LAMB2: variants seen among roughly 807,000 people sequenced by gnomAD.
LAMB2 encodes the protein laminin subunit beta 2.
In LAMB2, 119 loss-of-function variants were observed where a neutral mutation model predicts 202.7. The ratio of observed to expected loss-of-function variants is 0.59; its 90% confidence interval spans 0.51 to 0.68. LAMB2 has a LOEUF of 0.68. Ranked by LOEUF, LAMB2 falls within the 30% of genes least tolerant of loss-of-function variation. The pLI is 0.00. For missense variants in LAMB2, 2,124 were observed against 2,410.6 expected, an observed-to-expected ratio of 0.88 and a Z score of 2.49; for synonymous variants, 818 against 902.2, an observed-to-expected ratio of 0.91 and a Z score of 1.67.
rs1310533925 is a variant in LAMB2, at chr3:49,132,460, A to T, written c.249+31T>A. 4.3e-6 allele frequency: 7 copies of T among 1,613,978 alleles called. No individual in the cohort carries two copies. The highest frequency in any genetic ancestry group is 5.9e-6 in the Non-Finnish European group (7 of 1,179,996). Reference sequence around the variant, plus strand: ...CTCAGGCAGTGCCAGCCCCACCCTGACTCGGCGTCACACCCTGTCCCCAGC... The same window carrying T: ...CTCAGGCAGTGCCAGCCCCACCCTGTCTCGGCGTCACACCCTGTCCCCAGC... On this transcript the variant is annotated intron_variant, in intron 2 of 31. Coordinates refer to ENST00000305544, the MANE Select transcript of LAMB2 (RefSeq NM_002292.4). This position sits in a 1 kb window ranked among gnomAD's most constrained non-coding sequence, Gnocchi z 4.6.
At chr3:49,125,561 G>T (rs1218222732) in intron 18 of LAMB2, 77 bp from the exon 19 acceptor site, 3 of 1,413,660 alleles carry the variant, frequency 2.1e-6, no homozygotes, top group Admixed American at 4.0e-5. Flanking sequence ...GGTCTCAGGG[G>T]AGTGTGAGTA....
chr3:49,127,582 C>A (rs1189399680), intron 15 of LAMB2, among the ~76,000 whole-genome samples: 1 of 151,596 alleles, frequency 6.6e-6, no homozygotes, highest in East Asian at 1.9e-4. Context: ...GTGGTCCCAG[C>A]TACTTGGGAG....
rs768106965 is a variant in LAMB2, at chr3:49,124,492, T to C, written c.3230A>G (p.Asp1077Gly). 1.2e-6 allele frequency: 2 copies of C among 1,613,740 alleles called. No individual in the cohort carries two copies. The highest frequency in any genetic ancestry group is 1.3e-5 in the African/African-American group (1 of 75,048). The part of the protein sequence containing the change: ...CLPNVQGPSC[D>G]RCAPNFWNLT... Reference sequence around the variant, plus strand: ...GTTCCAGAAGTTGGGGGCACAGCGGTCACAGCTAGGGCCCTGGACATTGGG... The same window carrying C: ...GTTCCAGAAGTTGGGGGCACAGCGGCCACAGCTAGGGCCCTGGACATTGGG... Residue 1077 changes from aspartate to glycine, a missense_variant, in exon 22 of 32, where the codon GAC becomes GGC. By Grantham distance (94) the Asp-to-Gly change is moderately conservative (BLOSUM62 -1). Around this residue, in one of 3 missense-constraint regions of LAMB2, gnomAD observed 1,702 missense variants for 1,896.3 expected, o/e 0.90. Coordinates refer to ENST00000305544, the MANE Select transcript of LAMB2 (RefSeq NM_002292.4).
Position 49,128,498 on chromosome 3 carries a change from TG to T in LAMB2, c.1977del (p.Lys660ArgfsTer16). 1 of 1,614,164 alleles carries T rather than the reference TG, an allele frequency of 6.2e-7. No homozygotes were observed. Among genetic ancestry groups the T allele is most frequent in the South Asian group, 1.1e-5 (1 of 91,084 alleles). On this transcript the variant is annotated frameshift_variant, in exon 15 of 32. Transcript: ENST00000305544. LOFTEE classifies it high-confidence loss of function. ...AGAGTCCCTTGGATGCGATCATCCT[TG>T]GGCACCAAATGCCCACACAGGCTGT... ...PAHSLCGHLV[P>X]KDDRIQGTLQ...
In LAMB2 at chr3:49,125,785, G is replaced by A. The variant is rs368457196; in HGVS notation, c.2450C>T (p.Ala817Val). Residue 817 changes from alanine (A) to valine (V), a missense_variant, in exon 18 of 32, where the codon GCC becomes GTC. This residue lies in a region of LAMB2 where 1,702 missense variants were observed against 1,896.3 expected (regional missense o/e 0.90). Coordinates refer to ENST00000305544, the MANE Select transcript of LAMB2 (RefSeq NM_002292.4). ...GVVGRRCDLC[A>V]PGYYGFGPTG... ...GGGGCCAAAGCCATAGTAGCCAGGG[G>A]CACAGAGGTCACAGCGGCGCCCAAC... 9.9e-6 allele frequency: 16 copies of A among 1,613,980 alleles called. No individual in the cohort carries two copies. In the African/African-American group the frequency reaches 1.9e-4, roughly 19 times the overall value.
rs766359429 is a variant in LAMB2, at chr3:49,125,962, C to T, written c.2344+5G>A. On this transcript the variant is annotated splice_donor_5th_base_variant and intron_variant, in intron 17 of 31. Transcript: ENST00000305544. Reference sequence around the variant, plus strand: ...GCCCCATCAACCCACATCACAGACACTCACGCAGGGCACCATTGTAGATGA... The same window carrying T: ...GCCCCATCAACCCACATCACAGACATTCACGCAGGGCACCATTGTAGATGA... 6.2e-7 allele frequency: 1 copy of T among 1,614,154 alleles called. No individual in the cohort carries two copies. The highest frequency in any genetic ancestry group is 1.7e-5 in the Admixed American group (1 of 60,018).
Position 49,125,069 on chromosome 3 carries a change from T to G in LAMB2, c.2821A>C (p.Thr941Pro), listed in dbSNP as rs778201233. Residue 941 changes from threonine (T) to proline (P), a missense_variant, in exon 20 of 32, where the codon ACT (threonine) becomes CCT (proline). Coordinates refer to ENST00000305544, the MANE Select transcript of LAMB2 (RefSeq NM_002292.4). ...EGPGSQRHFA[T>P]SCHQDEYSQQ... is the part of the protein sequence containing the mutation. Reference sequence around the variant, plus strand: ...GAATATTCATCCTGGTGGCAAGAAGTAGCAAAGTGCCGTTGGCTCCCAGGG... The same window carrying G: ...GAATATTCATCCTGGTGGCAAGAAGGAGCAAAGTGCCGTTGGCTCCCAGGG... 4.3e-6 allele frequency: 7 copies of G among 1,613,888 alleles called. No individual in the cohort carries two copies. The highest frequency in any genetic ancestry group is 5.1e-6 in the Non-Finnish European group (6 of 1,180,032).
Position 49,123,974 on chromosome 3 carries a change from A to C in LAMB2, c.3551T>G (p.Phe1184Cys), listed in dbSNP as rs2045381996. Residue 1184 changes from phenylalanine (F) to cysteine (C), a missense_variant, in exon 24 of 32, where the codon TTT (phenylalanine) becomes TGT (cysteine). Physicochemically the swap from Phe to Cys is radical, Grantham distance 205. Coordinates refer to ENST00000305544, the MANE Select transcript of LAMB2 (RefSeq NM_002292.4). ...TGCATGGCAGGGATGGCAGGCAGGAAAGATTCCTGAGAAGCCACGGGCACA... is the reference window on the plus strand; with the variant it reads ...TGCATGGCAGGGATGGCAGGCAGGACAGATTCCTGAGAAGCCACGGGCACA... Reference protein sequence around the residue: ...DQCARGFSGIFPACHPCHACF... With the variant: ...DQCARGFSGICPACHPCHACF... 6.2e-7 allele frequency: 1 copy of C among 1,613,332 alleles called. No homozygotes were observed. Among genetic ancestry groups the C allele is most frequent in the African/African-American group, 1.3e-5 (1 of 74,932 alleles).
At position 49,124,871 on chromosome 3, in the gene LAMB2, C is replaced by G; in HGVS notation, c.2939G>C (p.Gly980Ala). ...GCACTCACACAGTTGGCACCGGCCA[C>G]CTGGCCTTGATGGGTCCCCAAAGTG... is the stretch of plus-strand genomic sequence containing the variant. ...PGHFGDPSRP[G>A]GRCQLCECSG... is the part of the protein sequence containing the mutation. The change falls in exon 21 of 32, where the codon GGT (glycine) becomes GCT (alanine). Residue 980 changes from glycine (G) to alanine (A), a missense_variant. Transcript: ENST00000305544. The G allele has an allele frequency of 6.2e-7, 1 of 1,614,144 alleles. No individual in the cohort carries two copies. The highest frequency in any genetic ancestry group is 8.5e-7 in the Non-Finnish European group (1 of 1,180,036).
In LAMB2 at chr3:49,130,504, A is replaced by G; in HGVS notation, c.1037-85T>C. ...AAGTAGGCCACCTTAGATCCCTATC[A>G]CAGGCCAGAATTTGTGGGTAGGGGC... On this transcript the variant is annotated intron_variant, in intron 8 of 31. Transcript: ENST00000305544. This position sits in a 1 kb window ranked among gnomAD's most constrained non-coding sequence, Gnocchi z 5.0. The G allele has an allele frequency of 6.5e-7, 1 of 1,526,810 alleles. No homozygotes were observed. Among genetic ancestry groups the G allele is most frequent in the Non-Finnish European group, 9.1e-7 (1 of 1,103,986 alleles). 94.6% of individuals were successfully genotyped at this position (1,526,810 alleles called of 1,614,324 possible). A position where few individuals can be genotyped will look rare whatever the true frequency, so the allele number is the denominator to read the frequency against.
At position 49,124,275 on chromosome 3, in the gene LAMB2, C is replaced by T; in HGVS notation, c.3339G>A (p.Gln1113=). ...CTCCAAAGCCGGCACGGCAGTGGCA[C>T]TGCCCTGTGAACTGGGGTGGGAACA... ...RGPTCNEFTG[Q]CHCRAGFGGR... The change falls in exon 23 of 32, where the codon CAG becomes CAA. Residue 1113 remains glutamine, a synonymous_variant. Transcript: ENST00000305544. 1 of 1,614,074 alleles carries T rather than the reference C, an allele frequency of 6.2e-7. No homozygotes were observed. Among genetic ancestry groups the T allele is most frequent in the Middle Eastern group, 1.6e-4 (1 of 6,062 alleles).
Position 49,129,789 on chromosome 3 carries a change from G to A in LAMB2, c.1405+50C>T. The stretch of plus-strand genomic sequence containing the variant: ...TCATGTTCAGCTGAGTCAGGAGTAA[G>A]AGGACAGGGGTTAAAGGTCAGCATA... On this transcript the variant is annotated intron_variant, in intron 10 of 31. Coordinates refer to ENST00000305544, the MANE Select transcript of LAMB2 (RefSeq NM_002292.4). The surrounding 1 kb of genome is among the most constrained non-coding windows in gnomAD (Gnocchi z 6.1). The A allele has an allele frequency of 1.2e-6, 2 of 1,611,684 alleles. No individual in the cohort carries two copies. Among genetic ancestry groups the A allele is most frequent in the Non-Finnish European group, 1.7e-6 (2 of 1,177,952 alleles).
chr3:49,132,907 T>A lies in LAMB2; in HGVS notation c.-40A>T. 1 of 1,588,818 alleles carries A rather than the reference T, an allele frequency of 6.3e-7. No homozygotes were observed. Among genetic ancestry groups the A allele is most frequent in the Non-Finnish European group, 8.6e-7 (1 of 1,157,356 alleles). ...CAGGGATAAGGGGAGGTGAACGGTC[T>A]CGGGCCCGAGCCCTCCTCCTTGCTT... is the stretch of plus-strand genomic sequence containing the variant. On this transcript the variant is annotated 5_prime_UTR_variant, in exon 1 of 32. Transcript: ENST00000305544. The surrounding 1 kb of genome is among the most constrained non-coding windows in gnomAD (Gnocchi z 4.6).
Position 49,128,644 on chromosome 3 carries a change from A to G in LAMB2, c.1890+17T>C. ...ACACCCAGAGGTTCAGCCCCAGATT[A>G]GATAACAGGGTCTAACCTGGGGCTC... is the stretch of plus-strand genomic sequence containing the variant. On this transcript the variant is annotated intron_variant, in intron 14 of 31. Coordinates refer to ENST00000305544, the MANE Select transcript of LAMB2 (RefSeq NM_002292.4). 1 of 1,614,190 alleles carries G rather than the reference A, an allele frequency of 6.2e-7. No homozygotes were observed. Among genetic ancestry groups the G allele is most frequent in the South Asian group, 1.1e-5 (1 of 91,084 alleles).
In LAMB2 at chr3:49,125,278, G is replaced by A. The variant is rs777651813; in HGVS notation, c.2695C>T (p.His899Tyr). Residue 899 changes from histidine to tyrosine, a missense_variant, in exon 19 of 32, where the codon CAC becomes TAC. Transcript: ENST00000305544. ...CTTTCACAGTGCTCACCCCCTGTGT[G>A]ATCACGGCAGCCCAGGCAAGCGCCT... The part of the protein sequence containing the change: ...HTGACLGCRD[H>Y]TGGEHCERCI... 3.1e-6 allele frequency: 5 copies of A among 1,613,860 alleles called. No individual in the cohort carries two copies. The South Asian group carries it at 5.5e-5, about 18-fold the overall frequency.
rs761845975 is a variant in LAMB2 at position 49,131,674 on chromosome 3, C to T, written c.509G>A (p.Arg170His). ...GAAATATCGGTACACATGCCAGGTG[C>T]GGCCAAAGTCTGCTGAGCGTTCCAC... ...MLVERSADFG[R>H]TWHVYRYFSY... Residue 170 changes from arginine (R) to histidine (H), a missense_variant, in exon 5 of 32, where the codon CGC becomes CAC. Physicochemically the swap from Arg to His is conservative, Grantham distance 29. Coordinates refer to ENST00000305544, the MANE Select transcript of LAMB2 (RefSeq NM_002292.4). The surrounding 1 kb of genome is among the most constrained non-coding windows in gnomAD (Gnocchi z 5.0). 9 of 1,613,448 alleles carry T rather than the reference C, an allele frequency of 5.6e-6. No individual in the cohort carries two copies. Among genetic ancestry groups the T allele is most frequent in the South Asian group, 2.2e-5 (2 of 91,084 alleles).
In LAMB2 at chr3:49,121,899, T is replaced by C. The variant is rs878899553; in HGVS notation, c.4924-39A>G. The C allele has an allele frequency of 3.1e-6, 5 of 1,613,766 alleles. No individual in the cohort carries two copies. In the South Asian group the frequency reaches 4.4e-5, roughly 14 times the overall value. The stretch of plus-strand genomic sequence containing the variant: ...GCCAAAGGTTACACAGATCTACGGT[T>C]CATGCCCATAACCTTGTCCCACTGA... On this transcript the variant is annotated intron_variant, in intron 29 of 31. Coordinates refer to ENST00000305544, the MANE Select transcript of LAMB2 (RefSeq NM_002292.4).
chr3:49,124,078 T>C lies in LAMB2; in HGVS notation c.3447A>G (p.Gly1149=). The change falls in exon 24 of 32, where the codon GGA becomes GGG. Residue 1149 remains glycine, a synonymous_variant. Transcript: ENST00000305544. ...QCHACDCDSR[G]IDTPQCHRFT... is the part of the protein sequence containing the mutation. ...AGCGGTGACACTGAGGTGTATCTAT[T>C]CCACGAGAGTCACAATCACAGGCTG... is the stretch of plus-strand genomic sequence containing the variant. The C allele has an allele frequency of 6.2e-7, 1 of 1,614,018 alleles. No homozygotes were observed. The highest frequency in any genetic ancestry group is 8.5e-7 in the Non-Finnish European group (1 of 1,180,034).
rs751546389 is a variant in LAMB2, at chr3:49,122,690, C to T, written c.4573+14G>A. On this transcript the variant is annotated intron_variant, in intron 27 of 31. Coordinates refer to ENST00000305544, the MANE Select transcript of LAMB2 (RefSeq NM_002292.4). ...GGGGACAACCACATGGCCTGGGACA[C>T]GTGGGAGGCTCACGGTTGAGGAAGT... The T allele has an allele frequency of 1.1e-5, 17 of 1,604,820 alleles. No homozygotes were observed. Among genetic ancestry groups the T allele is most frequent in the South Asian group, 3.3e-5 (3 of 90,882 alleles).
Sources: gnomAD v4.1 joint callset for allele counts (sites outside exome capture counted in the v4.1 genomes callset) on GRCh38, gnomAD v4.1.1 for gene constraint, gnomAD v4.1.1 regional missense constraint, Gnocchi (gnomAD v3.1) non-coding constraint, MANE v1.5 for transcripts, NCBI Gene and HGNC (gene_info 2026-07-23, HGNC 2026-07-21) for gene names.